The following ZCCHC8 variants were observed in gnomAD, a reference collection of about 807,000 sequenced individuals.
ZCCHC8 encodes zinc finger CCHC domain-containing protein 8.
Under a neutral mutation model 70.6 loss-of-function variants are expected in ZCCHC8, and 27 were observed. The observed-to-expected ratio is 0.38, with a 90% confidence interval of 0.28 to 0.53. ZCCHC8 has a LOEUF of 0.53. ZCCHC8 is among the 20% of genes least tolerant of loss of function. The pLI, the probability that ZCCHC8 is intolerant of heterozygous loss-of-function variation, is 0.81. For missense variants in ZCCHC8, 737 were observed against 876.9 expected, an observed-to-expected ratio of 0.84 and a Z score of 2.01; for synonymous variants, 293 against 317.4, an observed-to-expected ratio of 0.92 and a Z score of 0.82.
Position 122,500,756 on chromosome 12 carries a change from T to A in ZCCHC8, c.85A>T (p.Thr29Ser), listed in dbSNP as rs781440041. The A allele has an allele frequency of 6.3e-7, 1 of 1,588,484 alleles. No individual in the cohort carries two copies. Among genetic ancestry groups the A allele is most frequent in the Admixed American group, 1.8e-5 (1 of 56,142 alleles). The change falls in exon 1 of 14, where the codon ACT becomes TCT. Residue 29 changes from threonine (T) to serine (S), a missense_variant. Transcript: ENST00000633063. The surrounding 1 kb of genome is among the most constrained non-coding windows in gnomAD (Gnocchi z 4.8). Reference protein sequence around the residue: ...PEESIPKPVHTRFKDDDGDEE... With the variant: ...PEESIPKPVHSRFKDDDGDEE... The stretch of plus-strand genomic sequence containing the variant: ...TCGCCGTCGTCGTCCTTGAAGCGAG[T>A]GTGAACGGGCTTCGGAATCGACTCC...
intron 5 of ZCCHC8, among the ~76,000 whole-genome samples, chr12:122,486,742 G>C (rs1375927998): frequency 6.6e-6 from 1 of 152,052 alleles, no homozygotes; most frequent in African/African-American, 2.4e-5. Flanking sequence ...GCTAATTTTT[G>C]TATTTTTAGT....
chr12:122,495,524 A>G (rs1317293402), intron 2 of ZCCHC8, among the ~76,000 whole-genome samples: 1 of 152,056 alleles, frequency 6.6e-6, no homozygotes, highest in Non-Finnish European at 1.5e-5. Flanking sequence ...AAAACAAACA[A>G]ACAAAACCCA....
At chr12:122,478,513 T>C in intron 11 of ZCCHC8, 1 of 473,328 alleles carries the variant, frequency 2.1e-6, no homozygotes, top group Non-Finnish European at 3.8e-6. Context: ...CCTGACACAA[T>C]CACTTGGCCA....
intron 8 of ZCCHC8, 58 bp from the exon 9 acceptor site, chr12:122,482,145 A>G: frequency 6.6e-7 from 1 of 1,506,966 alleles, no homozygotes. Flanking sequence ...TATTTCAGAA[A>G]TTAAATAAAA....
Position 122,500,534 on chromosome 12 carries a change from G to C in ZCCHC8, c.199+108C>G. On this transcript the variant is annotated intron_variant, in intron 1 of 13. Coordinates refer to ENST00000633063, the MANE Select transcript of ZCCHC8 (RefSeq NM_017612.5). The surrounding 1 kb of genome is among the most constrained non-coding windows in gnomAD (Gnocchi z 4.8). Reference sequence around the variant, plus strand: ...AGCACTTGGAATTCTGGCCCTCCTGGAACTTCCGCCCGCGCCCTCGCCCTC... The same window carrying C: ...AGCACTTGGAATTCTGGCCCTCCTGCAACTTCCGCCCGCGCCCTCGCCCTC... The C allele has an allele frequency of 7.5e-7, 1 of 1,333,672 alleles. No homozygotes were observed. The highest frequency in any genetic ancestry group is 2.5e-5 in the East Asian group (1 of 39,422). 82.6% of individuals were successfully genotyped at this position (1,333,672 alleles called of 1,614,324 possible).
intron 11 of ZCCHC8, among the ~76,000 whole-genome samples, 175 bp downstream of exon 11, chr12:122,480,015 T>C (rs952054661): frequency 2.0e-5 from 3 of 152,132 alleles, no homozygotes; most frequent in Admixed American, 2.0e-4. Context: ...TCTTGCTATG[T>C]TGCCCAGGCT....
chr12:122,482,817 C>T, intron 7 of ZCCHC8, 122 bp from the exon 8 acceptor site: 3 of 728,002 alleles, frequency 4.1e-6, no homozygotes, highest in Non-Finnish European at 6.9e-6. Context: ...TCACAGATCA[C>T]TAATATCTGC....
In ZCCHC8 at chr12:122,473,880, G is replaced by C; in HGVS notation, c.1741C>G (p.Pro581Ala). 6.2e-7 allele frequency: 1 copy of C among 1,613,932 alleles called. No homozygotes were observed. Among genetic ancestry groups the C allele is most frequent in the Middle Eastern group, 1.6e-4 (1 of 6,062 alleles). Residue 581 changes from proline to alanine, a missense_variant, in exon 14 of 14, where the codon CCT (proline) becomes GCT (alanine). Physicochemically the swap from Pro to Ala is conservative, Grantham distance 27. Transcript: ENST00000633063. ...TTTGTAAAAATCTCTGGTACCTCAG[G>C]CTCATCCAGCGTCTGCTTTTCAGAT... ...KTSEKQTLDE[P>A]EVPEIFTKKS...
chr12:122,487,701 A>G (rs1462696579), intron 5 of ZCCHC8, among the ~76,000 whole-genome samples: 2 of 152,178 alleles, frequency 1.3e-5, no homozygotes, highest in Non-Finnish European at 2.9e-5. Flanking sequence ...GTGATTTAAA[A>G]TAAGTTTTAG....
chr12:122,498,441 A>T (rs1330002366), intron 2 of ZCCHC8, among the ~76,000 whole-genome samples: 5 of 147,810 alleles, frequency 3.4e-5, no homozygotes, highest in Non-Finnish European at 7.5e-5. Context: ...TTATACTATA[A>T]TTTTTTTTTT....
chr12:122,473,310 A>T lies in ZCCHC8; in HGVS notation c.*187T>A. The T allele has an allele frequency of 1.5e-6, 1 of 656,992 alleles. No homozygotes were observed. Among genetic ancestry groups the T allele is most frequent in the South Asian group, 2.6e-5 (1 of 38,214 alleles). The allele number at this position is 656,992 out of a possible 1,614,324, so 40.7% of individuals were successfully genotyped here. A position where few individuals can be genotyped will look rare whatever the true frequency, so the allele number is the denominator to read the frequency against. ...CATCTCCCCCCAAGTTTTGTCAGTG[A>T]GAATAAAATATACTGAACTAGTGAG... On this transcript the variant is annotated 3_prime_UTR_variant, in exon 14 of 14. Coordinates refer to ENST00000633063, the MANE Select transcript of ZCCHC8 (RefSeq NM_017612.5).
chr12:122,480,638 G>C (rs901779711), intron 10 of ZCCHC8: 1 of 169,522 alleles, frequency 5.9e-6, no homozygotes, highest in Non-Finnish European at 1.3e-5. Flanking sequence ...CACCAGGGTA[G>C]GCTGTGTATT....
chr12:122,475,975 T>C (rs918590942), intron 13 of ZCCHC8, among the ~76,000 whole-genome samples: 2 of 152,216 alleles, frequency 1.3e-5, no homozygotes, highest in African/African-American at 4.8e-5. Context: ...CTCATTTCCT[T>C]GGTAAATCCC....
intron 13 of ZCCHC8, among the ~76,000 whole-genome samples, chr12:122,477,079 T>G (rs1294944277): frequency 6.6e-6 from 1 of 151,384 alleles, no homozygotes; most frequent in Non-Finnish European, 1.5e-5. Flanking sequence ...GCTTTGATTC[T>G]GAACTTTGAA....
At chr12:122,482,920 C>CTGT (rs1957564427) in intron 7 of ZCCHC8, 1 of 528,460 alleles carries the variant, frequency 1.9e-6, no homozygotes, top group Admixed American at 3.5e-5. Context: ...CCTGACTGAT[C>CTGT]TGTTACCTCT....
chr12:122,487,447 AT>A (rs1440059623), intron 5 of ZCCHC8, among the ~76,000 whole-genome samples: 1 of 152,136 alleles, frequency 6.6e-6, no homozygotes, highest in Admixed American at 6.6e-5. Flanking sequence ...AAATTCAGAA[AT>A]TTTTCTTTAA....
chr12:122,484,446 T>A (rs138228357), intron 5 of ZCCHC8, among the ~76,000 whole-genome samples: 2 of 150,384 alleles, frequency 1.3e-5, no homozygotes, highest in Non-Finnish European at 2.9e-5. Flanking sequence ...AGGGTCTTGC[T>A]CTGTTGTCCA....
intron 2 of ZCCHC8, among the ~76,000 whole-genome samples, chr12:122,495,845 CTCAAAAAAAAAAAAAAA>C (rs2137370293): frequency 1.6e-5 from 1 of 64,328 alleles, no homozygotes; most frequent in African/African-American, 6.1e-5. Flanking sequence ...GACACTCTGT[CTCAAAAAAAAAAAAAAA>C]AAAAAAAAAA....
At chr12:122,481,794 T>C (rs1957541008) in intron 9 of ZCCHC8, 130 bp from the exon 10 acceptor site, 15 of 1,382,890 alleles carry the variant, frequency 1.1e-5, no homozygotes, top group Non-Finnish European at 1.4e-5. Flanking sequence ...TAAATTAAAA[T>C]TTAAAGAAGT....
Sources: gnomAD v4.1 joint callset for allele counts (sites outside exome capture counted in the v4.1 genomes callset) on GRCh38, gnomAD v4.1.1 for gene constraint, Gnocchi (gnomAD v3.1) non-coding constraint, MANE v1.5 for transcripts, NCBI Gene and HGNC (gene_info 2026-07-23, HGNC 2026-07-21) for gene names.